The following WWOX variants were observed in gnomAD, a reference collection of about 807,000 sequenced individuals.
WWOX encodes the protein WW domain containing oxidoreductase, also known as WW domain-containing oxidoreductase.
In WWOX, 69 loss-of-function variants were observed where a neutral mutation model predicts 46.2. The observed-to-expected ratio is 1.49, with a 90% confidence interval of 1.23 to 1.82. WWOX has a LOEUF of 1.82. WWOX is among the 40% of genes most tolerant of loss of function. The pLI is 0.00. For synonymous variants in WWOX, 359 were observed against 202.6 expected (o/e 1.77, Z -6.56); for missense variants, 919 against 542.6 (o/e 1.69, Z -6.89).
At chr16:78,626,059 A>C (rs554396517) in intron 8 of WWOX, among the ~76,000 whole-genome samples, 1 of 152,010 alleles carries the variant, frequency 6.6e-6, no homozygotes, top group African/African-American at 2.4e-5. Flanking sequence ...ATATTGCCTT[A>C]GGTTTTTAAA....
intron 8 of WWOX, among the ~76,000 whole-genome samples, chr16:78,962,758 C>A (rs1217961538): frequency 1.3e-5 from 2 of 152,168 alleles, no homozygotes; most frequent in Non-Finnish European, 2.9e-5. Flanking sequence ...AGACAGAGAA[C>A]ATTTCTAACA....
At chr16:78,560,815 G>A (rs966392632) in intron 8 of WWOX, among the ~76,000 whole-genome samples, 3 of 152,130 alleles carry the variant, frequency 2.0e-5, no homozygotes, top group Non-Finnish European at 2.9e-5. Context: ...AAATGAACAG[G>A]AGAAAATTTT....
At chr16:78,859,050 G>GTATATATATATATATATATACGTATATA (rs2052652341) in intron 8 of WWOX, among the ~76,000 whole-genome samples, 2 of 40,834 alleles carry the variant, frequency 4.9e-5, no homozygotes, top group African/African-American at 2.2e-4. Flanking sequence ...ATATATATAT[G>GTATATATATATATATATATACGTATATA]TATATATATA....
intron 8 of WWOX, among the ~76,000 whole-genome samples, chr16:79,035,953 G>A (rs2047857875): frequency 6.6e-6 from 1 of 152,186 alleles, no homozygotes; most frequent in Non-Finnish European, 1.5e-5. Context: ...AGAAGGCCAT[G>A]CCTACATTGC....
chr16:78,522,465 A>G (rs577600398), intron 8 of WWOX, among the ~76,000 whole-genome samples: 3 of 152,254 alleles, frequency 2.0e-5, no homozygotes, highest in Admixed American at 2.0e-4. Context: ...CTCTGCCTGC[A>G]GTCTCTTCCT....
chr16:78,674,319 C>G (rs1480388338), intron 8 of WWOX, among the ~76,000 whole-genome samples: 1 of 143,122 alleles, frequency 7.0e-6, no homozygotes, highest in Non-Finnish European at 1.5e-5. Context: ...GAGTTTTGCT[C>G]TTTTCCCCAG....
At chr16:78,839,637 G>T (rs2052084703) in intron 8 of WWOX, among the ~76,000 whole-genome samples, 1 of 152,094 alleles carries the variant, frequency 6.6e-6, no homozygotes, top group African/African-American at 2.4e-5. Flanking sequence ...GTTTCTCCAG[G>T]TTCTCACTGT....
intron 8 of WWOX, among the ~76,000 whole-genome samples, chr16:79,134,663 C>T (rs963492317): frequency 2.6e-5 from 4 of 152,114 alleles, no homozygotes; most frequent in Non-Finnish European, 4.4e-5. Flanking sequence ...ACATTTAGGT[C>T]GCGATTTCTT....
chr16:78,454,066 A>G (rs2083753663), intron 8 of WWOX, among the ~76,000 whole-genome samples: 1 of 152,150 alleles, frequency 6.6e-6, no homozygotes, highest in Non-Finnish European at 1.5e-5. Flanking sequence ...ATCAGTATTT[A>G]TTTATTAACT....
At chr16:78,789,355 C>G (rs1311594662) in intron 8 of WWOX, among the ~76,000 whole-genome samples, 2 of 152,102 alleles carry the variant, frequency 1.3e-5, no homozygotes, top group African/African-American at 2.4e-5. Context: ...CAACTTTGTT[C>G]TTTTGAATGT....
At chr16:78,920,342 C>T (rs759266670) in intron 8 of WWOX, among the ~76,000 whole-genome samples, 3 of 152,166 alleles carry the variant, frequency 2.0e-5, no homozygotes, top group Non-Finnish European at 4.4e-5. Context: ...AATAATAATG[C>T]ACAATAACAT....
chr16:78,188,487 CAA>C lies in WWOX; in HGVS notation c.516+24215_516+24216del, dbSNP rs11325655. Among the ~76,000 whole-genome samples, 838 of 104,080 alleles carry C rather than the reference CAA, an allele frequency of 8.1e-3. 5 individuals carry two copies. Among genetic ancestry groups the C allele is most frequent in the African/African-American group, 0.018 (531 of 28,900 alleles). 68.3% of individuals were successfully genotyped at this position (104,080 alleles called of 152,430 possible). A position where few individuals can be genotyped will look rare whatever the true frequency, so the allele number is the denominator to read the frequency against. On this transcript the variant is annotated intron_variant, in intron 5 of 8. Transcript: ENST00000566780. ...TGGGTGACAGAGCGAGACTCTGTCT[CAA>C]AAAAAAAAAAAAAAAATAGTAGATT...
At chr16:78,229,500 C>CTATATG (rs1202195249) in intron 5 of WWOX, among the ~76,000 whole-genome samples, 2 of 110,532 alleles carry the variant, frequency 1.8e-5, no homozygotes, top group African/African-American at 6.5e-5. Context: ...ATATATTTAT[C>CTATATG]TATATCTATA....
chr16:78,611,104 A>G (rs1450830311), intron 8 of WWOX, among the ~76,000 whole-genome samples: 1 of 152,216 alleles, frequency 6.6e-6, no homozygotes, highest in Non-Finnish European at 1.5e-5. Flanking sequence ...GTGGTCACCA[A>G]AGCATAATGA....
intron 8 of WWOX, among the ~76,000 whole-genome samples, chr16:78,595,287 C>CT (rs66928546): frequency 0.044 from 6,366 of 144,982 alleles, 264 homozygotes; most frequent in East Asian, 0.15. Context: ...CTGGAAATGT[C>CT]TTTTTTTTTT....
intron 5 of WWOX, among the ~76,000 whole-genome samples, chr16:78,316,390 G>C (rs2080356000): frequency 6.6e-6 from 1 of 152,248 alleles, no homozygotes; most frequent in East Asian, 1.9e-4. Flanking sequence ...ACCTGGGCTG[G>C]GGTGCAATGG....
At chr16:78,345,970 T>A (rs4887957) in intron 5 of WWOX, among the ~76,000 whole-genome samples, 13,061 of 97,684 alleles carry the variant, frequency 0.13, 4,020 homozygotes, top group East Asian at 0.22. Flanking sequence ...ATAAAAAAAA[T>A]AGAACATTTA....
At position 78,935,499 on chromosome 16, in the gene WWOX, A is replaced by G. The variant is rs543185872; in HGVS notation, c.1057-276109A>G. On this transcript the variant is annotated intron_variant, in intron 8 of 8. Coordinates refer to ENST00000566780, the MANE Select transcript of WWOX (RefSeq NM_016373.4). ...AAACCATCATTCTCAGCAAACTATC[A>G]CAAGGACAAAAAAACCAAACACTGC... Among the ~76,000 whole-genome samples, 9 of 152,110 alleles carry G rather than the reference A, an allele frequency of 5.9e-5. 1 individual carries two copies. The highest frequency in any genetic ancestry group is 2.2e-4 in the African/African-American group (9 of 41,490).
intron 8 of WWOX, among the ~76,000 whole-genome samples, chr16:78,838,156 T>C (rs1567595221): frequency 6.6e-6 from 1 of 152,118 alleles, no homozygotes; most frequent in African/African-American, 2.4e-5. Flanking sequence ...TGCATGCACA[T>C]TGGAAGGTAG....
Sources: allele counts gnomAD v4.1 joint callset (sites outside exome capture counted in the v4.1 genomes callset), GRCh38; gene constraint gnomAD v4.1.1; transcripts MANE v1.5; gene names NCBI Gene and HGNC (gene_info 2026-07-23, HGNC 2026-07-21).